SRR: variants seen among roughly 807,000 people sequenced by gnomAD.
The protein encoded by SRR is D-serine ammonia-lyase.
A neutral mutation model predicts 32.7 loss-of-function variants in SRR; 19 were observed. The observed-to-expected ratio is 0.58, with a 90% CI of 0.40 to 0.85. The LOEUF (loss-of-function observed/expected upper bound fraction) is 0.85. Ranked by LOEUF, SRR falls within the 40% of genes least tolerant of loss-of-function variation. SRR has a pLI of 0.00. For synonymous variants in SRR, 142 were observed against 140.9 expected (o/e 1.01, Z -0.06); for missense variants, 373 against 404.7 (o/e 0.92, Z 0.67).
Position 2,323,929 on chromosome 17 carries a change from G to A in SRR, c.*56G>A. On this transcript the variant is annotated 3_prime_UTR_variant, in exon 8 of 8. Coordinates refer to ENST00000344595, the MANE Select transcript of SRR (RefSeq NM_021947.3). ...TGTCTTTAGATACTGAAGACATTTT[G>A]TTTCCTAGTATTGTCAACTCTTAGT... The A allele has an allele frequency of 6.7e-7, 1 of 1,483,742 alleles. No homozygotes were observed. Among genetic ancestry groups the A allele is most frequent in the Non-Finnish European group, 9.3e-7 (1 of 1,071,790 alleles). 91.9% of individuals were successfully genotyped at this position (1,483,742 alleles called of 1,614,324 possible). A position where few individuals can be genotyped will look rare whatever the true frequency, so the allele number is the denominator to read the frequency against.
intron 6 of SRR, chr17:2,322,917 A>T: frequency 2.0e-6 from 1 of 507,868 alleles, no homozygotes; most frequent in Non-Finnish European, 3.6e-6. Flanking sequence ...GGGGTCTGCC[A>T]CCACGCCTGG....
upstream of SRR, chr17:2,303,583 G>C: frequency 7.3e-7 from 1 of 1,376,034 alleles, no homozygotes; most frequent in Non-Finnish European, 9.4e-7. Context: ...GAGGAGGAGA[G>C]GGAGGCGGGG....
chr17:2,313,511 G>A (rs892952631), intron 1 of SRR, among the ~76,000 whole-genome samples: 17 of 151,336 alleles, frequency 1.1e-4, no homozygotes, highest in South Asian at 2.1e-4. Context: ...CGAGGCGGGC[G>A]GATCACCTAA....
At chr17:2,304,907 G>A (rs2075373092) in intron 1 of SRR, among the ~76,000 whole-genome samples, 1 of 151,868 alleles carries the variant, frequency 6.6e-6, no homozygotes, top group African/African-American at 2.4e-5. Flanking sequence ...TCTTTTTTTG[G>A]AGAACTGTAC....
chr17:2,307,545 G>C, intron 1 of SRR: 1 of 1,183,972 alleles, frequency 8.4e-7, no homozygotes, highest in Non-Finnish European at 1.2e-6. Context: ...CAATGATTTT[G>C]GCAATTACAA....
intron 6 of SRR, 173 bp from the exon 7 acceptor site, chr17:2,322,963 C>G: frequency 3.3e-6 from 2 of 608,636 alleles, no homozygotes; most frequent in Non-Finnish European, 5.8e-6. Flanking sequence ...CTGCATTTCA[C>G]CAGGTTGGCC....
chr17:2,310,681 C>T (rs1645565921), intron 1 of SRR, among the ~76,000 whole-genome samples: 1 of 151,908 alleles, frequency 6.6e-6, no homozygotes, highest in African/African-American at 2.4e-5. Flanking sequence ...CAGGTTCAAG[C>T]GATTTTTCTG....
intron 2 of SRR, among the ~76,000 whole-genome samples, chr17:2,317,206 G>GAAAAA (rs1567777254): frequency 1.8e-5 from 2 of 111,836 alleles, no homozygotes; most frequent in African/African-American, 3.6e-5. Flanking sequence ...CCATCTCGGG[G>GAAAAA]GAAAAAAAAA....
upstream of SRR, chr17:2,303,794 G>A (rs1430046948): frequency 2.3e-6 from 3 of 1,282,458 alleles, no homozygotes; most frequent in Admixed American, 2.9e-5. Context: ...ACAGACGGGC[G>A]GCGCGCGCGC....
At chr17:2,315,812 A>G (rs1338172495) in intron 2 of SRR, 84 bp downstream of exon 2, 3 of 1,332,970 alleles carry the variant, frequency 2.3e-6, no homozygotes, top group Non-Finnish European at 3.1e-6. Context: ...ACCCAATGAG[A>G]TAGGCAGAAG....
chr17:2,315,451 G>A, intron 1 of SRR, 106 bp from the exon 2 acceptor site: 1 of 1,074,442 alleles, frequency 9.3e-7, no homozygotes, highest in East Asian at 2.7e-5. Flanking sequence ...ATTTCCACAT[G>A]ACACCACAGG....
rs2075400947 is a variant in SRR, at chr17:2,307,607, A to C, written c.-5+3590A>C. ...TGAAGGGAGGAAACTTTGGAGGCAG[A>C]AGCTCTGGCCCCTATGGTGGTGCAG... On this transcript the variant is annotated intron_variant, in intron 1 of 7. Transcript: ENST00000344595. 3 of 972,568 alleles carry C rather than the reference A, an allele frequency of 3.1e-6. No homozygotes were observed. The Admixed American group carries it at 5.1e-5, about 16-fold the overall frequency. 60.2% of individuals were successfully genotyped at this position (972,568 alleles called of 1,614,324 possible). A position where few individuals can be genotyped will look rare whatever the true frequency, so the allele number is the denominator to read the frequency against.
At chr17:2,313,457 C>T (rs1227466882) in intron 1 of SRR, among the ~76,000 whole-genome samples, 1 of 151,084 alleles carries the variant, frequency 6.6e-6, no homozygotes, top group South Asian at 2.1e-4. Context: ...ATAAATGGGC[C>T]GGGCGTGGTG....
intron 6 of SRR, chr17:2,322,869 A>T: frequency 2.4e-6 from 1 of 409,154 alleles, no homozygotes; most frequent in South Asian, 2.2e-5. Flanking sequence ...AGTTCAAGTG[A>T]TTCTCCTACC....
chr17:2,315,412 G>C, intron 1 of SRR, 145 bp from the exon 2 acceptor site: 1 of 766,060 alleles, frequency 1.3e-6, no homozygotes, highest in Non-Finnish European at 2.0e-6. Context: ...CTCTCTTTTA[G>C]GGAAATTCTG....
chr17:2,316,561 C>A (rs912430558), intron 2 of SRR, among the ~76,000 whole-genome samples: 2 of 152,176 alleles, frequency 1.3e-5, no homozygotes, highest in Non-Finnish European at 2.9e-5. Flanking sequence ...CTGGGCCACA[C>A]GGCAAAACTC....
rs796458324 is a variant in SRR at position 2,309,537 on chromosome 17, CATTTT to C, written c.-5+5523_-5+5527del. On this transcript the variant is annotated intron_variant, in intron 1 of 7. Coordinates refer to ENST00000344595, the MANE Select transcript of SRR (RefSeq NM_021947.3). The stretch of plus-strand genomic sequence containing the variant: ...ACACTGTCATTAACAAGCCCTTTCT[CATTTT>C]ATCTTTTCTCTTCATTCCAGTTCCC... Among the ~76,000 whole-genome samples, 10 of 152,322 alleles carry C rather than the reference CATTTT, an allele frequency of 6.6e-5. No homozygotes were observed. In the East Asian group the frequency reaches 1.7e-3, roughly 26 times the overall value.
At chr17:2,322,809 C>T (rs1465684187) in intron 6 of SRR, 4 of 327,756 alleles carry the variant, frequency 1.2e-5, no homozygotes, top group Non-Finnish European at 2.4e-5. Context: ...AGCCACTGCG[C>T]CCCACCCCAT....
chr17:2,315,442 T>G, intron 1 of SRR, 115 bp from the exon 2 acceptor site: 1 of 1,024,620 alleles, frequency 9.8e-7, no homozygotes, highest in Non-Finnish European at 1.4e-6. Flanking sequence ...TAATGGAGAA[T>G]TTCCACATGA....
Sources: allele counts gnomAD v4.1 joint callset (sites outside exome capture counted in the v4.1 genomes callset), GRCh38; gene constraint gnomAD v4.1.1; transcripts MANE v1.5; gene names NCBI Gene and HGNC (gene_info 2026-07-23, HGNC 2026-07-21).